The following RABGEF1 variants were observed in gnomAD, a reference collection of about 807,000 sequenced individuals.
RABGEF1 encodes the protein RAB guanine nucleotide exchange factor 1.
In RABGEF1, 26 loss-of-function variants were observed where a neutral mutation model predicts 57.3. The observed-to-expected ratio is 0.45, with a 90% CI of 0.33 to 0.63. The LOEUF is 0.63. Ranked by LOEUF, RABGEF1 falls within the 20% of genes least tolerant of loss-of-function variation. RABGEF1 has a pLI of 0.02. For synonymous variants in RABGEF1, 185 were observed against 210.7 expected, an observed-to-expected ratio of 0.88 and a Z score of 1.06; for missense variants, 464 against 607.6, an observed-to-expected ratio of 0.76 and a Z score of 2.48.
chr7:66,737,930 T>C (rs532451204), upstream of RABGEF1, among the ~76,000 whole-genome samples: 2 of 152,306 alleles, frequency 1.3e-5, no homozygotes, highest in East Asian at 3.9e-4. Context: ...GCAGCACAGC[T>C]GGCTCCCTCA....
chr7:66,760,053 C>T (rs1803873736), intron 1 of RABGEF1, among the ~76,000 whole-genome samples: 1 of 152,166 alleles, frequency 6.6e-6, no homozygotes, highest in African/African-American at 2.4e-5. Flanking sequence ...TAGTACAAGA[C>T]CTCAGTTTCT....
chr7:66,780,956 A>T (rs1809745931), intron 3 of RABGEF1, among the ~76,000 whole-genome samples: 1 of 152,180 alleles, frequency 6.6e-6, no homozygotes, highest in Admixed American at 6.5e-5. Context: ...TACAGACAGC[A>T]TGAAGTGGGG....
chr7:66,692,279 T>C (rs1440799940), intron 1 of RABGEF1, among the ~76,000 whole-genome samples: 1 of 152,212 alleles, frequency 6.6e-6, no homozygotes, highest in Non-Finnish European at 1.5e-5. Context: ...CTGCTGCTCA[T>C]TAGCGGACCC....
chr7:66,655,833 T>A, the RABGEF1 span, among the ~76,000 whole-genome samples: 240 of 152,352 alleles, frequency 1.6e-3, no homozygotes, highest in African/African-American at 5.5e-3. Flanking sequence ...AGGATTTGAA[T>A]TTTTAATGAC....
chr7:66,678,449 C>T (rs918640840), upstream of RABGEF1, among the ~76,000 whole-genome samples: 1 of 150,554 alleles, frequency 6.6e-6, no homozygotes, highest in Non-Finnish European at 1.5e-5. Flanking sequence ...CCTGTAGTCC[C>T]AGCTACTCTG....
At chr7:66,698,470 A>T (rs2117218095) in intron 1 of RABGEF1, among the ~76,000 whole-genome samples, 1 of 152,306 alleles carries the variant, frequency 6.6e-6, no homozygotes, top group East Asian at 1.9e-4. Context: ...GGAATCCGTT[A>T]TTTCTAGGTC....
chr7:66,790,711 G>A (rs530642502), intron 4 of RABGEF1, among the ~76,000 whole-genome samples: 79 of 152,318 alleles, frequency 5.2e-4, no homozygotes, highest in African/African-American at 1.9e-3. Flanking sequence ...TTGGAAAGCA[G>A]AAGTAACCAG....
intron 2 of RABGEF1, among the ~76,000 whole-genome samples, chr7:66,734,597 A>ATTTT (rs550927387): frequency 1.7e-5 from 2 of 119,750 alleles, no homozygotes; most frequent in Non-Finnish European, 1.8e-5. Flanking sequence ...TGCCTGGCTA[A>ATTTT]TTTTTTTTTT....
the RABGEF1 span, among the ~76,000 whole-genome samples, chr7:66,668,496 T>C: frequency 1.3e-5 from 2 of 152,058 alleles, no homozygotes; most frequent in African/African-American, 4.8e-5. Flanking sequence ...TGCAGGGGTG[T>C]CCCCAGATGG....
In RABGEF1 at chr7:66,783,854, T is replaced by C; in HGVS notation, c.513+13T>C. 6.2e-7 allele frequency: 1 copy of C among 1,608,492 alleles called. No homozygotes were observed. The highest frequency in any genetic ancestry group is 1.3e-5 in the African/African-American group (1 of 74,768). On this transcript the variant is annotated intron_variant, in intron 4 of 8. Coordinates refer to ENST00000284957, the MANE Select transcript of RABGEF1 (RefSeq NM_014504.3). ...GCATTACAAAAGGGTAGGTTGAGAATAACCACGTAGAAACATAGAGTTTTG... is the reference window on the plus strand; with the variant it reads ...GCATTACAAAAGGGTAGGTTGAGAACAACCACGTAGAAACATAGAGTTTTG...
At chr7:66,790,750 A>G (rs1584154992) in intron 4 of RABGEF1, among the ~76,000 whole-genome samples, 1 of 152,208 alleles carries the variant, frequency 6.6e-6, no homozygotes, top group South Asian at 2.1e-4. Flanking sequence ...AGCTGATCTC[A>G]CAGTTGCATT....
chr7:66,710,987 A>AT lies in RABGEF1; in HGVS notation c.-872-1180_-872-1179insT, dbSNP rs1158712021. On this transcript the variant is annotated intron_variant and NMD_transcript_variant, in intron 1 of 9. Transcript: ENST00000607882. ...GCGAGACCCTGTCACTACAAAAAAA[A>AT]AATAATAAAGGAAATAAAAAAACTT... is the stretch of plus-strand genomic sequence containing the variant. Among the ~76,000 whole-genome samples the AT allele has an allele frequency of 2.6e-5, 4 of 152,022 alleles. No homozygotes were observed. In the East Asian group the frequency reaches 5.8e-4, roughly 22 times the overall value.
intron 1 of RABGEF1, chr7:66,749,049 G>A: frequency 6.3e-6 from 1 of 158,294 alleles, no homozygotes; most frequent in Non-Finnish European, 1.4e-5. Flanking sequence ...AAGCCCTGGT[G>A]GTGGCATGAC....
intron 1 of RABGEF1, among the ~76,000 whole-genome samples, chr7:66,755,122 G>A (rs916558554): frequency 2.0e-5 from 3 of 152,084 alleles, no homozygotes; most frequent in Admixed American, 6.6e-5. Flanking sequence ...GTAAAACCTG[G>A]TCTCTACTAA....
At chr7:66,789,254 T>C (rs887497164) in intron 4 of RABGEF1, among the ~76,000 whole-genome samples, 1 of 152,220 alleles carries the variant, frequency 6.6e-6, no homozygotes, top group Admixed American at 6.5e-5. Context: ...GCTTTAATTA[T>C]TGTGAGAACT....
At chr7:66,679,777 C>T (rs932619261), upstream of RABGEF1, among the ~76,000 whole-genome samples, 1 of 152,326 alleles carries the variant, frequency 6.6e-6, no homozygotes, top group Admixed American at 6.5e-5. Flanking sequence ...TGCCTGTAAT[C>T]CCAGCACTTT....
chr7:66,784,388 CACAG>C (rs910209740), intron 4 of RABGEF1, among the ~76,000 whole-genome samples: 2 of 152,204 alleles, frequency 1.3e-5, no homozygotes, highest in Admixed American at 1.3e-4. Context: ...TCCAAGGTTA[CACAG>C]CTAGATTTTG....
chr7:66,697,749 G>A (rs1426262927), intron 1 of RABGEF1, among the ~76,000 whole-genome samples: 1 of 152,140 alleles, frequency 6.6e-6, no homozygotes, highest in African/African-American at 2.4e-5. Context: ...TGAAGTGGCC[G>A]CTAGGCTGGC....
chr7:66,780,632 A>C (rs1032184534), intron 3 of RABGEF1, among the ~76,000 whole-genome samples: 18 of 152,162 alleles, frequency 1.2e-4, no homozygotes, highest in Non-Finnish European at 1.9e-4. Context: ...TCAATTACTA[A>C]ATGAGGAATA....
Sources: allele counts gnomAD v4.1 joint callset (sites outside exome capture counted in the v4.1 genomes callset), GRCh38; gene constraint gnomAD v4.1.1; transcripts MANE v1.5; gene names NCBI Gene and HGNC (gene_info 2026-07-23, HGNC 2026-07-21).